The following GTF2IRD1 variants were observed in gnomAD, a reference collection of about 807,000 sequenced individuals.
The protein encoded by GTF2IRD1 is general transcription factor II-I repeat domain-containing protein 1.
A neutral mutation model predicts 113.2 loss-of-function variants in GTF2IRD1; 26 were observed. The observed-to-expected ratio is 0.23, with a 90% CI of 0.17 to 0.32. The LOEUF is 0.32. GTF2IRD1 is among the 10% of genes least tolerant of loss of function. The pLI, the probability that GTF2IRD1 is intolerant of heterozygous loss-of-function variation, is 1.00. For synonymous variants in GTF2IRD1, 484 were observed against 529.1 expected, an observed-to-expected ratio of 0.91 and a Z score of 1.17; for missense variants, 864 against 1,280.8, an observed-to-expected ratio of 0.67 and a Z score of 4.97.
intron 8 of GTF2IRD1, among the ~76,000 whole-genome samples, chr7:74,526,874 G>A (rs1797631720): frequency 6.6e-6 from 1 of 152,148 alleles, no homozygotes; most frequent in Non-Finnish European, 1.5e-5. Flanking sequence ...AGCTAAGTGT[G>A]ACATCTCAGT....
rs187316239 is a variant in GTF2IRD1 at position 74,581,693 on chromosome 7, A to G, written c.2321-8158A>G. ...GCTCTGTTGGGAAAGAGGACTCATG[A>G]CCCCACCTGCAGCTCTCCGAGATGC... On this transcript the variant is annotated intron_variant, in intron 22 of 26. Coordinates refer to ENST00000424337, the MANE Select transcript of GTF2IRD1 (RefSeq NM_005685.4). Among the ~76,000 whole-genome samples the G allele has an allele frequency of 4.9e-4, 74 of 151,906 alleles. 1 individual carries two copies. In the East Asian group the frequency reaches 0.013, roughly 26 times the overall value.
At chr7:74,513,082 A>T in intron 3 of GTF2IRD1, 111 bp downstream of exon 3, 1 of 1,021,560 alleles carries the variant, frequency 9.8e-7, no homozygotes, top group Non-Finnish European at 1.4e-6. Flanking sequence ...GTGTGTGGGG[A>T]GTGAACCTAA....
At chr7:74,459,025 C>T (rs1396786592) in intron 1 of GTF2IRD1, among the ~76,000 whole-genome samples, 1 of 152,146 alleles carries the variant, frequency 6.6e-6, no homozygotes, top group Non-Finnish European at 1.5e-5. Flanking sequence ...GGAACTGATC[C>T]ATTCTCGGTC....
intron 24 of GTF2IRD1, among the ~76,000 whole-genome samples, 189 bp from the exon 25 acceptor site, chr7:74,594,825 G>A (rs1802307261): frequency 1.3e-5 from 2 of 151,720 alleles, no homozygotes; most frequent in African/African-American, 2.4e-5. Context: ...GGTGGCGGGC[G>A]CCTGTAGTCC....
intron 1 of GTF2IRD1, among the ~76,000 whole-genome samples, chr7:74,465,526 A>G (rs1554330592): frequency 2.0e-5 from 3 of 152,284 alleles, no homozygotes; most frequent in East Asian, 3.9e-4. Context: ...GTTTTCTTAT[A>G]TAGTATTGCC....
At chr7:74,568,466 G>A (rs1583910903) in intron 22 of GTF2IRD1, among the ~76,000 whole-genome samples, 1 of 151,852 alleles carries the variant, frequency 6.6e-6, no homozygotes, top group East Asian at 1.9e-4. Flanking sequence ...GGCTAACACA[G>A]TGAAACCCCG....
chr7:74,581,051 C>T (rs1284491849), intron 22 of GTF2IRD1, among the ~76,000 whole-genome samples: 3 of 152,038 alleles, frequency 2.0e-5, no homozygotes, highest in Non-Finnish European at 4.4e-5. Flanking sequence ...CGGAGTTTTG[C>T]TCTTGTTGCC....
chr7:74,480,624 G>A (rs553701805), intron 1 of GTF2IRD1, among the ~76,000 whole-genome samples: 9 of 152,228 alleles, frequency 5.9e-5, no homozygotes, highest in Admixed American at 5.9e-4. Flanking sequence ...CCAGGAGCCA[G>A]GCTCAGGCTT....
chr7:74,466,977 G>T (rs1793760405), intron 1 of GTF2IRD1, among the ~76,000 whole-genome samples: 2 of 150,726 alleles, frequency 1.3e-5, no homozygotes, highest in African/African-American at 4.9e-5. Flanking sequence ...TGGAGACAGG[G>T]TCTCGCTCCA....
intron 1 of GTF2IRD1, among the ~76,000 whole-genome samples, chr7:74,458,736 C>T (rs572053648): frequency 6.6e-6 from 1 of 151,382 alleles, no homozygotes; most frequent in South Asian, 2.1e-4. Flanking sequence ...CTCACTGCAA[C>T]TTCCACCTCC....
intron 1 of GTF2IRD1, among the ~76,000 whole-genome samples, chr7:74,492,417 AC>A (rs1562798419): frequency 1.3e-5 from 2 of 151,376 alleles, no homozygotes; most frequent in East Asian, 1.9e-4. Flanking sequence ...TGATCTGCCC[AC>A]CTTGGCCTCC....
chr7:74,480,696 C>T (rs1197010102), intron 1 of GTF2IRD1, among the ~76,000 whole-genome samples: 4 of 152,226 alleles, frequency 2.6e-5, no homozygotes, highest in Non-Finnish European at 4.4e-5. Context: ...CTGGCCTCCC[C>T]TCCTGGTAGA....
chr7:74,582,717 T>G (rs1197083575), intron 22 of GTF2IRD1, among the ~76,000 whole-genome samples: 3 of 152,148 alleles, frequency 2.0e-5, no homozygotes, highest in African/African-American at 7.2e-5. Flanking sequence ...GCCAGGGACT[T>G]TCCCCATACC....
At position 74,558,914 on chromosome 7, in the gene GTF2IRD1, A is replaced by T; in HGVS notation, c.2161A>T (p.Ser721Cys). ...PVQVPYKRIK[S>C]NPGSVIIEGL... The stretch of plus-strand genomic sequence containing the variant: ...CCAGGTCCCCTACAAGCGGATCAAG[A>T]GTAACCCCGGCTCCGTGATCATCGA... Residue 721 changes from serine to cysteine, a missense_variant, in exon 21 of 27, where the codon AGT becomes TGT. Around this residue, in one of 7 missense-constraint regions of GTF2IRD1, gnomAD observed 195 missense variants for 359.1 expected, o/e 0.54. Transcript: ENST00000424337. 6.2e-7 allele frequency: 1 copy of T among 1,614,066 alleles called. No individual in the cohort carries two copies. Among genetic ancestry groups the T allele is most frequent in the Non-Finnish European group, 8.5e-7 (1 of 1,180,006 alleles).
At chr7:74,592,052 A>ACACTGTGAT (rs1309073912) in intron 24 of GTF2IRD1, among the ~76,000 whole-genome samples, 26 of 151,994 alleles carry the variant, frequency 1.7e-4, no homozygotes, top group African/African-American at 5.3e-4. Flanking sequence ...CTGAAAGTCA[A>ACACTGTGAT]CACTGTGATG....
At chr7:74,518,431 G>C in intron 5 of GTF2IRD1, 109 bp downstream of exon 5, 1 of 818,674 alleles carries the variant, frequency 1.2e-6, no homozygotes, top group Non-Finnish European at 1.9e-6. Context: ...AGATGCCCGT[G>C]GGGGACCCTG....
intron 11 of GTF2IRD1, 42 bp from the exon 12 acceptor site, chr7:74,538,094 T>C (rs1554350651): frequency 6.2e-7 from 1 of 1,605,450 alleles, no homozygotes; most frequent in South Asian, 1.1e-5. Context: ...AGGGTGGCCC[T>C]GGACTTGGCT....
intron 1 of GTF2IRD1, among the ~76,000 whole-genome samples, chr7:74,500,435 A>G (rs1203464763): frequency 6.6e-6 from 1 of 151,936 alleles, no homozygotes; most frequent in Non-Finnish European, 1.5e-5. Flanking sequence ...AAAAAAAAAA[A>G]AAAGAAAAAA....
rs782818643 is a variant in GTF2IRD1 at position 74,519,750 on chromosome 7, G to C, written c.916+31G>C. The C allele has an allele frequency of 6.2e-5, 92 of 1,491,082 alleles. 1 individual carries two copies. Among genetic ancestry groups the C allele is most frequent in the Non-Finnish European group, 8.1e-5 (89 of 1,096,990 alleles). The allele number at this position is 1,491,082 out of a possible 1,614,324, so 92.4% of individuals were successfully genotyped here. ...ATTGCTGCTGGGATCTCCAAGTCTAGGGGGTGGGACAGAGGTCACTCATGC... is the reference window on the plus strand; with the variant it reads ...ATTGCTGCTGGGATCTCCAAGTCTACGGGGTGGGACAGAGGTCACTCATGC... On this transcript the variant is annotated intron_variant, in intron 6 of 26. Transcript: ENST00000424337.
Sources: gnomAD v4.1 joint callset for allele counts (sites outside exome capture counted in the v4.1 genomes callset) on GRCh38, gnomAD v4.1.1 for gene constraint, gnomAD v4.1.1 regional missense constraint, MANE v1.5 for transcripts, NCBI Gene and HGNC (gene_info 2026-07-23, HGNC 2026-07-21) for gene names.